SV2C: variants seen among roughly 807,000 people sequenced by gnomAD.
SV2C encodes synaptic vesicle glycoprotein 2C, also known as solute carrier family 22 member B3.
Under a neutral mutation model 79.7 loss-of-function variants are expected in SV2C, and 49 were observed. The ratio of observed to expected loss-of-function variants is 0.61; its 90% CI spans 0.49 to 0.78. The LOEUF (loss-of-function observed/expected upper bound fraction) is 0.78. Among genes scored for constraint, SV2C ranks in the 30% least tolerant of loss-of-function variants. The pLI, the probability that SV2C is intolerant of heterozygous loss-of-function variation, is 0.00. For missense variants in SV2C, 833 were observed against 912.9 expected, an observed-to-expected ratio of 0.91 and a Z score of 1.13; for synonymous variants, 334 against 333.2, an observed-to-expected ratio of 1.00 and a Z score of -0.03.
the SV2C span, among the ~76,000 whole-genome samples, chr5:76,069,292 G>A: frequency 6.6e-6 from 1 of 152,148 alleles, no homozygotes; most frequent in Non-Finnish European, 1.5e-5. Flanking sequence ...CTTTATGGCT[G>A]CTCCATCTGT....
rs937768724 is a variant in SV2C at position 76,306,523 on chromosome 5, C to A, written c.2000+4978C>A. 1.1e-3 allele frequency among the ~76,000 whole-genome samples: 162 copies of A among 152,164 alleles called. 2 individuals carry two copies. The highest frequency in any genetic ancestry group is 2.4e-4 in the Non-Finnish European group (16 of 68,038). On this transcript the variant is annotated intron_variant, in intron 12 of 12. Coordinates refer to ENST00000502798, the MANE Select transcript of SV2C (RefSeq NM_014979.4). The stretch of plus-strand genomic sequence containing the variant: ...GCTATGCAAAAGGTGGGAAACTGTA[C>A]CCCTGGACAGCAAATCAAAAACAAA...
At chr5:76,276,372 T>A (rs1409546149) in intron 4 of SV2C, among the ~76,000 whole-genome samples, 1 of 152,220 alleles carries the variant, frequency 6.6e-6, no homozygotes, top group Non-Finnish European at 1.5e-5. Flanking sequence ...CCCCCTGCTA[T>A]GGGACATGCC....
rs374223649 is a variant in SV2C at position 76,285,847 on chromosome 5, G to A, written c.1114G>A (p.Gly372Ser). 4 of 1,613,864 alleles carry A rather than the reference G, an allele frequency of 2.5e-6. No individual in the cohort carries two copies. In the African/African-American group the frequency reaches 5.3e-5, roughly 22 times the overall value. Reference protein sequence around the residue: ...LIHDTNMRARGQPEKVFTVNK... With the variant: ...LIHDTNMRARSQPEKVFTVNK... ...TCATGACACCAACATGAGAGCCCGG[G>A]GTCAGCCTGAGAAGGTCTTCACGGT... Residue 372 changes from glycine (G) to serine (S), a missense_variant, in exon 6 of 13, where the codon GGT becomes AGT. Coordinates refer to ENST00000502798, the MANE Select transcript of SV2C (RefSeq NM_014979.4).
the SV2C span, among the ~76,000 whole-genome samples, chr5:76,074,474 T>A: frequency 6.6e-6 from 1 of 152,158 alleles, no homozygotes; most frequent in African/African-American, 2.4e-5. Flanking sequence ...CATAGAGAGA[T>A]TCAGTTATTG....
chr5:76,037,899 G>T, the SV2C span, among the ~76,000 whole-genome samples: 1 of 152,188 alleles, frequency 6.6e-6, no homozygotes, highest in Admixed American at 6.5e-5. Flanking sequence ...GTGAGACTCC[G>T]TGGGCATAGG....
At chr5:76,258,798 C>T (rs1746377367) in intron 4 of SV2C, among the ~76,000 whole-genome samples, 1 of 152,178 alleles carries the variant, frequency 6.6e-6, no homozygotes, top group Admixed American at 6.5e-5. Flanking sequence ...AGAACATTCC[C>T]ATCACCCGTA....
the SV2C span, among the ~76,000 whole-genome samples, chr5:76,045,672 G>T: frequency 1.3e-5 from 2 of 152,130 alleles, no homozygotes; most frequent in Admixed American, 1.3e-4. Flanking sequence ...TTTCTTTCAT[G>T]CTGCTAATGC....
At chr5:75,856,873 A>C in the SV2C span, among the ~76,000 whole-genome samples, 1 of 151,590 alleles carries the variant, frequency 6.6e-6, no homozygotes, top group African/African-American at 2.4e-5. Flanking sequence ...ATTTTCCCAG[A>C]TCAATGTCCT....
chr5:76,042,557 C>G, the SV2C span, among the ~76,000 whole-genome samples: 1 of 152,140 alleles, frequency 6.6e-6, no homozygotes, highest in African/African-American at 2.4e-5. Context: ...CATTCAGGGC[C>G]CTTTGGCAGT....
chr5:76,347,776 G>A (rs1435819357), intron 12 of SV2C, among the ~76,000 whole-genome samples: 1 of 152,142 alleles, frequency 6.6e-6, no homozygotes, highest in Non-Finnish European at 1.5e-5. Flanking sequence ...TTATATTTTA[G>A]AACGGTTTTA....
intron 12 of SV2C, among the ~76,000 whole-genome samples, chr5:76,339,214 T>C (rs1027083651): frequency 1.3e-5 from 2 of 152,208 alleles, no homozygotes; most frequent in Admixed American, 6.5e-5. Context: ...AATTCACAAA[T>C]TTTAACAAAA....
At chr5:75,897,446 T>C in the SV2C span, among the ~76,000 whole-genome samples, 1 of 151,834 alleles carries the variant, frequency 6.6e-6, no homozygotes, top group Non-Finnish European at 1.5e-5. Flanking sequence ...TTAGTACCAG[T>C]ACCATGCTGT....
chr5:75,874,148 A>G, the SV2C span, among the ~76,000 whole-genome samples: 2 of 152,158 alleles, frequency 1.3e-5, no homozygotes, highest in Non-Finnish European at 2.9e-5. Context: ...TCATGCAAAA[A>G]TCCTTAACAA....
intron 2 of SV2C, among the ~76,000 whole-genome samples, chr5:76,153,379 C>T (rs565663320): frequency 1.1e-4 from 16 of 152,320 alleles, no homozygotes; most frequent in Non-Finnish European, 1.3e-4. Context: ...CCTAATGTTC[C>T]TCCTGTAGTC....
At chr5:75,855,428 A>C in the SV2C span, among the ~76,000 whole-genome samples, 7 of 152,110 alleles carry the variant, frequency 4.6e-5, no homozygotes, top group Non-Finnish European at 1.0e-4. Context: ...GATTTTCTAC[A>C]TACAGGTATA....
chr5:76,138,114 C>T (rs34715685), intron 2 of SV2C, among the ~76,000 whole-genome samples: 17,882 of 152,168 alleles, frequency 0.12, 1,141 homozygotes, highest in Non-Finnish European at 0.14. Flanking sequence ...CTATTACCAG[C>T]GGGAATCATA....
chr5:76,083,051 T>C (rs1747045182), upstream of SV2C: 1 of 152,246 alleles, frequency 6.6e-6, no homozygotes, highest in Admixed American at 6.5e-5. Context: ...CTGCCGCCCC[T>C]CTCCTTCACC....
chr5:76,165,612 G>A (rs1180628451), intron 2 of SV2C, among the ~76,000 whole-genome samples: 1 of 144,764 alleles, frequency 6.9e-6, no homozygotes, highest in Non-Finnish European at 1.5e-5. Flanking sequence ...AACCTTTTGA[G>A]ATTGGCTTTT....
chr5:76,248,552 G>A (rs575553950), intron 4 of SV2C, among the ~76,000 whole-genome samples: 1 of 152,172 alleles, frequency 6.6e-6, no homozygotes, highest in African/African-American at 2.4e-5. Flanking sequence ...AAATTTGGAG[G>A]GGACTAAGTT....
Sources: allele counts gnomAD v4.1 joint callset (sites outside exome capture counted in the v4.1 genomes callset), GRCh38; gene constraint gnomAD v4.1.1; transcripts MANE v1.5; gene names NCBI Gene and HGNC (gene_info 2026-07-23, HGNC 2026-07-21).